The following PTPRA variants were observed in gnomAD, a reference collection of about 807,000 sequenced individuals.
PTPRA encodes receptor-type tyrosine-protein phosphatase alpha.
In PTPRA, 25 loss-of-function variants were observed where a neutral mutation model predicts 104.8. The observed-to-expected ratio is 0.24, with a 90% CI of 0.17 to 0.33. The LOEUF is 0.33. PTPRA is among the 10% of genes least tolerant of loss of function. The probability of loss-of-function intolerance (pLI) is 1.00; values close to 1 mark genes in which losing one functional copy is unlikely to be tolerated. For missense variants in PTPRA, 765 were observed against 1,015.3 expected (o/e 0.75, Z 3.35); for synonymous variants, 323 against 368.9 (o/e 0.88, Z 1.43).
At chr20:2,875,289 A>G (rs2089645394) in intron 1 of PTPRA, among the ~76,000 whole-genome samples, 1 of 152,148 alleles carries the variant, frequency 6.6e-6, no homozygotes, top group Non-Finnish European at 1.5e-5. Context: ...GGTAGGTCCC[A>G]TATCCCACTG....
At position 2,873,621 on chromosome 20, in the gene PTPRA, G is replaced by A. The variant is rs1280956639; in HGVS notation, c.-268G>A. 6.6e-6 allele frequency: 1 copy of A among 150,488 alleles called. No homozygotes were observed. The highest frequency in any genetic ancestry group is 2.4e-5 in the African/African-American group (1 of 41,228). The allele number at this position is 150,488 out of a possible 1,614,324, so 9.3% of individuals were successfully genotyped here. On this transcript the variant is annotated 5_prime_UTR_variant, in exon 1 of 24. Transcript: ENST00000399903. The surrounding 1 kb of genome is among the most constrained non-coding windows in gnomAD (Gnocchi z 4.4). ...CCGCTTCCCCTCGCCATGGAGGCGA[G>A]GCCGCCGCCGCCGCCGCGGGGCTCG...
intron 6 of PTPRA, among the ~76,000 whole-genome samples, chr20:2,981,079 T>C (rs143752967): frequency 5.8e-4 from 88 of 152,210 alleles, no homozygotes; most frequent in African/African-American, 2.1e-3. Flanking sequence ...AGACCTTCTG[T>C]GGACCCAATA....
the PTPRA span, chr20:2,865,227 C>T: frequency 1.2e-6 from 2 of 1,614,092 alleles, no homozygotes; most frequent in Non-Finnish European, 1.7e-6. The surrounding 1 kb of genome is among the most constrained non-coding windows in gnomAD (Gnocchi z 5.2). Context: ...CTAGACCTGT[C>T]TCTACATGAC....
At chr20:2,874,236 C>G (rs567685449) in intron 1 of PTPRA, among the ~76,000 whole-genome samples, 22 of 152,220 alleles carry the variant, frequency 1.4e-4, no homozygotes, top group African/African-American at 5.3e-4. Flanking sequence ...CGCCCTCTCC[C>G]AACTGTTGAG....
chr20:3,037,417 C>A lies in PTPRA; in HGVS notation c.2334+128C>A. On this transcript the variant is annotated intron_variant, in intron 23 of 23. Transcript: ENST00000399903. This position sits in a 1 kb window ranked among gnomAD's most constrained non-coding sequence, Gnocchi z 4.3. The stretch of plus-strand genomic sequence containing the variant: ...TAAACACAGACCTGCCCTTGCCCTC[C>A]CAAGGTGCCCCAAATACACAGGAAA... 1 of 1,387,590 alleles carries A rather than the reference C, an allele frequency of 7.2e-7. No homozygotes were observed. The highest frequency in any genetic ancestry group is 9.7e-7 in the Non-Finnish European group (1 of 1,026,804). The allele number at this position is 1,387,590 out of a possible 1,614,324, so 86.0% of individuals were successfully genotyped here.
chr20:2,889,226 G>A (rs1311749121), intron 1 of PTPRA, among the ~76,000 whole-genome samples: 1 of 152,076 alleles, frequency 6.6e-6, no homozygotes, highest in African/African-American at 2.4e-5. Flanking sequence ...GTAAGCATAG[G>A]CATTTTGTAT....
At chr20:2,914,524 T>G (rs985343301) in intron 1 of PTPRA, among the ~76,000 whole-genome samples, 6 of 151,068 alleles carry the variant, frequency 4.0e-5, no homozygotes, top group African/African-American at 1.2e-4. Context: ...CACCTCAGAG[T>G]TCATTTTATT....
intron 6 of PTPRA, among the ~76,000 whole-genome samples, chr20:2,977,136 C>T (rs1041126147): frequency 1.3e-5 from 2 of 151,586 alleles, no homozygotes; most frequent in East Asian, 1.9e-4. Context: ...ATTAGCCGGG[C>T]GTGGTGGTGT....
rs1481786075 is a variant in PTPRA, at chr20:3,027,123, G to A, written c.1711G>A (p.Glu571Lys). 1.2e-6 allele frequency: 2 copies of A among 1,613,884 alleles called. No homozygotes were observed. Among genetic ancestry groups the A allele is most frequent in the Admixed American group, 3.3e-5 (2 of 60,000 alleles). The change falls in exon 19 of 24, where the codon GAA (glutamate) becomes AAA (lysine). Residue 571 changes from glutamate (E) to lysine (K), a missense_variant and splice_region_variant. Around this residue, in one of 4 missense-constraint regions of PTPRA, gnomAD observed 192 missense variants for 227.0 expected, o/e 0.85. Transcript: ENST00000399903. ...KNRVLQIIPY[E>K]FNRVIIPVKR... ...ATAAGCCGCTATTCTTCTTACAGAT[G>A]AATTCAACAGAGTGATCATTCCAGT...
chr20:2,976,076 G>A (rs906139868), intron 6 of PTPRA, among the ~76,000 whole-genome samples: 2 of 152,044 alleles, frequency 1.3e-5, no homozygotes, highest in Non-Finnish European at 2.9e-5. Flanking sequence ...CAGAAAAGTG[G>A]GTACTCTCTT....
chr20:3,021,269 GA>G (rs745418188), intron 13 of PTPRA, 39 bp from the exon 14 acceptor site: 369 of 1,612,380 alleles, frequency 2.3e-4, no homozygotes, highest in Non-Finnish European at 2.4e-4. Context: ...CCATGGGCAG[GA>G]GGTCTAAGGT....
chr20:3,025,516 C>T (rs528689093), intron 17 of PTPRA, among the ~76,000 whole-genome samples: 5 of 150,260 alleles, frequency 3.3e-5, no homozygotes, highest in African/African-American at 9.8e-5. Context: ...GTGGGGAGGA[C>T]CACTTAGAGA....
intron 1 of PTPRA, among the ~76,000 whole-genome samples, chr20:2,881,723 G>A (rs936285269): frequency 8.5e-5 from 13 of 152,138 alleles, no homozygotes; most frequent in African/African-American, 2.7e-4. Context: ...AAATGGGGCC[G>A]GGTGCAGTGG....
rs917867969 is a variant in PTPRA at position 3,015,748 on chromosome 20, C to T, written c.907-101C>T. 17 of 943,594 alleles carry T rather than the reference C, an allele frequency of 1.8e-5. No homozygotes were observed. The African/African-American group carries it at 2.8e-4, about 15-fold the overall frequency. The allele number at this position is 943,594 out of a possible 1,614,324, so 58.5% of individuals were successfully genotyped here. On this transcript the variant is annotated intron_variant, in intron 11 of 23. Coordinates refer to ENST00000399903, the MANE Select transcript of PTPRA (RefSeq NM_001385305.1). ...TGGAAATCCCCGTTAAGTACCTGCA[C>T]ATTTTCAGGTTTTGTTAACTGGTTG...
intron 2 of PTPRA, among the ~76,000 whole-genome samples, chr20:2,946,771 C>T (rs1036236517): frequency 1.6e-4 from 24 of 151,898 alleles, no homozygotes; most frequent in African/African-American, 5.6e-4. Flanking sequence ...TCGCTTGAAC[C>T]CGGGAGGCAG....
chr20:2,914,311 A>G (rs941020335), intron 1 of PTPRA, among the ~76,000 whole-genome samples: 5 of 152,216 alleles, frequency 3.3e-5, no homozygotes, highest in Admixed American at 6.5e-5. Flanking sequence ...AGGTCTGGAC[A>G]GTAGATGGCA....
intron 13 of PTPRA, 104 bp from the exon 14 acceptor site, chr20:3,021,205 G>T (rs1012290610): frequency 7.3e-6 from 11 of 1,502,072 alleles, no homozygotes; most frequent in Non-Finnish European, 9.1e-6. Context: ...AGGGCCTTCT[G>T]GGGGACTTTA....
intron 20 of PTPRA, among the ~76,000 whole-genome samples, chr20:3,031,643 C>T (rs972973450): frequency 6.6e-6 from 1 of 152,142 alleles, no homozygotes; most frequent in African/African-American, 2.4e-5. Flanking sequence ...TGTTTACTGC[C>T]TCCTTCCTCC....
intron 1 of PTPRA, among the ~76,000 whole-genome samples, chr20:2,887,518 A>G (rs1393531896): frequency 6.6e-6 from 1 of 152,234 alleles, no homozygotes; most frequent in Non-Finnish European, 1.5e-5. Flanking sequence ...CAGTAGAGGC[A>G]TTAGGGTTCT....
Sources: gnomAD v4.1 joint callset for allele counts (sites outside exome capture counted in the v4.1 genomes callset) on GRCh38, gnomAD v4.1.1 for gene constraint, gnomAD v4.1.1 regional missense constraint, Gnocchi (gnomAD v3.1) non-coding constraint, MANE v1.5 for transcripts, NCBI Gene and HGNC (gene_info 2026-07-23, HGNC 2026-07-21) for gene names.